Variants in PTPRD observed in about 807,000 individuals in gnomAD.
PTPRD encodes the protein receptor-type tyrosine-protein phosphatase delta.
A neutral mutation model predicts 214.5 loss-of-function variants in PTPRD; 34 were observed. The ratio of observed to expected loss-of-function variants is 0.16; its 90% confidence interval spans 0.12 to 0.21. The LOEUF is 0.21. Among genes scored for constraint, PTPRD ranks in the 10% least tolerant of loss-of-function variants. The pLI is 1.00. For synonymous variants in PTPRD, 1,128 were observed against 845.7 expected, an observed-to-expected ratio of 1.33 and a Z score of -5.79; for missense variants, 2,545 against 2,398.7, an observed-to-expected ratio of 1.06 and a Z score of -1.27.
At chr9:10,513,528 G>C (rs976557862) in intron 2 of PTPRD, among the ~76,000 whole-genome samples, 5 of 152,138 alleles carry the variant, frequency 3.3e-5, no homozygotes, top group Non-Finnish European at 5.9e-5. Flanking sequence ...GGAACAGGTA[G>C]ATAAGTTAGT....
chr9:8,842,072 C>A (rs2097569899), intron 11 of PTPRD, among the ~76,000 whole-genome samples: 1 of 150,130 alleles, frequency 6.7e-6, no homozygotes, highest in South Asian at 2.1e-4. Context: ...ACAAAAATAA[C>A]TTCTTGTATA....
intron 7 of PTPRD, among the ~76,000 whole-genome samples, chr9:9,653,587 A>G (rs7036779): frequency 3.9e-5 from 6 of 152,108 alleles, no homozygotes; most frequent in African/African-American, 1.4e-4. Flanking sequence ...TAGGCTGCTT[A>G]CCTGTTTTTG....
chr9:10,087,475 A>G (rs2098363330), intron 3 of PTPRD, among the ~76,000 whole-genome samples: 1 of 151,698 alleles, frequency 6.6e-6, no homozygotes, highest in Non-Finnish European at 1.5e-5. Context: ...TTCAGAGTGT[A>G]GTTTATCCAT....
chr9:9,835,928 A>G (rs923173734), intron 5 of PTPRD, among the ~76,000 whole-genome samples: 6 of 152,130 alleles, frequency 3.9e-5, no homozygotes, highest in African/African-American at 1.4e-4. Flanking sequence ...ATAAGTGATG[A>G]ATGATATTCT....
chr9:9,699,199 A>C (rs73390973), intron 7 of PTPRD, among the ~76,000 whole-genome samples: 1,790 of 152,052 alleles, frequency 0.012, 26 homozygotes, highest in African/African-American at 0.041. Context: ...ATTTCAGTCA[A>C]GCTGTTTCTC....
chr9:9,631,677 C>A (rs1255927106), intron 7 of PTPRD, among the ~76,000 whole-genome samples: 14 of 152,096 alleles, frequency 9.2e-5, no homozygotes, highest in Admixed American at 9.2e-4. Flanking sequence ...GTTGCCCTCT[C>A]TATATTCTAA....
At chr9:10,505,577 G>A (rs1031893990) in intron 2 of PTPRD, among the ~76,000 whole-genome samples, 4 of 152,120 alleles carry the variant, frequency 2.6e-5, no homozygotes. Context: ...ACATCGGATT[G>A]CTATAAAACT....
intron 12 of PTPRD, among the ~76,000 whole-genome samples, chr9:8,653,175 G>C (rs1311323009): frequency 1.3e-5 from 2 of 152,024 alleles, no homozygotes; most frequent in Non-Finnish European, 2.9e-5. Flanking sequence ...GTTTCAGAGG[G>C]AAAAAGACAA....
At chr9:10,426,164 C>A (rs2098612957) in intron 2 of PTPRD, among the ~76,000 whole-genome samples, 1 of 151,934 alleles carries the variant, frequency 6.6e-6, no homozygotes. Flanking sequence ...TATTGCTTTT[C>A]CTATTTTAGC....
intron 43 of PTPRD, among the ~76,000 whole-genome samples, chr9:8,338,609 A>G (rs1849259872): frequency 6.6e-6 from 1 of 152,242 alleles, no homozygotes; most frequent in Non-Finnish European, 1.5e-5. Context: ...TGAGCTGAGA[A>G]GGTGAATGTA....
chr9:9,299,942 A>T (rs932626613), intron 9 of PTPRD, among the ~76,000 whole-genome samples: 16 of 150,236 alleles, frequency 1.1e-4, no homozygotes, highest in African/African-American at 3.9e-4. Context: ...AGGCCTAAAT[A>T]TTCCTCCACA....
chr9:9,563,380 C>T (rs1038273041), intron 8 of PTPRD, among the ~76,000 whole-genome samples: 1 of 152,068 alleles, frequency 6.6e-6, no homozygotes, highest in African/African-American at 2.4e-5. Flanking sequence ...TTTTAATTAC[C>T]TTATTGTCAT....
intron 37 of PTPRD, among the ~76,000 whole-genome samples, chr9:8,378,133 G>A (rs895846984): frequency 1.3e-5 from 2 of 152,016 alleles, no homozygotes; most frequent in Non-Finnish European, 2.9e-5. Flanking sequence ...ATTGTCCACA[G>A]TAAGACAAAA....
At chr9:10,200,707 G>A (rs1198449032) in intron 3 of PTPRD, among the ~76,000 whole-genome samples, 3 of 152,076 alleles carry the variant, frequency 2.0e-5, no homozygotes, top group Non-Finnish European at 4.4e-5. Flanking sequence ...TTACAATCAT[G>A]CAGAGGAAGG....
intron 2 of PTPRD, among the ~76,000 whole-genome samples, chr9:10,514,929 G>T (rs1281811054): frequency 6.6e-6 from 1 of 151,936 alleles, no homozygotes; most frequent in African/African-American, 2.4e-5. Flanking sequence ...AGGGTAAAAA[G>T]ATGGATTAAA....
chr9:9,882,286 T>C (rs1456672020), intron 5 of PTPRD, among the ~76,000 whole-genome samples: 2 of 152,068 alleles, frequency 1.3e-5, no homozygotes, highest in East Asian at 3.9e-4. Flanking sequence ...TTTCTAGAGG[T>C]TCACTAAGCA....
chr9:9,774,913 T>A (rs2098784454), intron 5 of PTPRD, among the ~76,000 whole-genome samples: 1 of 152,182 alleles, frequency 6.6e-6, no homozygotes, highest in African/African-American at 2.4e-5. Flanking sequence ...AATCATAAGC[T>A]ACAGCAACAG....
intron 11 of PTPRD, among the ~76,000 whole-genome samples, chr9:8,760,741 A>G (rs991603080): frequency 6.6e-6 from 1 of 152,038 alleles, no homozygotes; most frequent in Non-Finnish European, 1.5e-5. Flanking sequence ...TGTGGGTCTG[A>G]AGAATGCAAT....
intron 9 of PTPRD, among the ~76,000 whole-genome samples, chr9:9,323,889 T>A (rs1454399910): frequency 6.6e-6 from 1 of 152,210 alleles, no homozygotes; most frequent in Non-Finnish European, 1.5e-5. Flanking sequence ...CCCTGCTGTG[T>A]CCAAGTGTTC....
Sources: gnomAD v4.1 joint callset for allele counts (sites outside exome capture counted in the v4.1 genomes callset) on GRCh38, gnomAD v4.1.1 for gene constraint, MANE v1.5 for transcripts, NCBI Gene and HGNC (gene_info 2026-07-23, HGNC 2026-07-21) for gene names.